The following HCN1 variants were observed in gnomAD, a reference collection of about 807,000 sequenced individuals.
HCN1 encodes hyperpolarization activated cyclic nucleotide gated potassium channel 1.
Under a neutral mutation model 78.9 loss-of-function variants are expected in HCN1, and 13 were observed. That is an observed-to-expected ratio of 0.16 (90% CI 0.11 to 0.26). The LOEUF (loss-of-function observed/expected upper bound fraction) is 0.26. Ranked by LOEUF, HCN1 falls within the 10% of genes least tolerant of loss-of-function variation. The pLI is 1.00. For missense variants in HCN1, 810 were observed against 1,154.3 expected (o/e 0.70, Z 4.32); for synonymous variants, 552 against 455.5 (o/e 1.21, Z -2.70).
intron 2 of HCN1, among the ~76,000 whole-genome samples, chr5:45,538,165 G>A (rs907596427): frequency 2.0e-5 from 3 of 151,992 alleles, no homozygotes; most frequent in African/African-American, 7.3e-5. Flanking sequence ...ATGAAACTAA[G>A]AAGTGATCTT....
At chr5:45,414,749 T>C (rs1354314295) in intron 3 of HCN1, among the ~76,000 whole-genome samples, 1 of 152,038 alleles carries the variant, frequency 6.6e-6, no homozygotes, top group East Asian at 1.9e-4. Context: ...TTTTGTCCCA[T>C]CTCTTTACAA....
intron 2 of HCN1, among the ~76,000 whole-genome samples, chr5:45,540,387 GCATGAT>G (rs1561194076): frequency 6.6e-6 from 1 of 151,306 alleles, no homozygotes; most frequent in African/African-American, 2.4e-5. Flanking sequence ...GAGTGCAGTG[GCATGAT>G]CATGGTTCAT....
intron 6 of HCN1, among the ~76,000 whole-genome samples, chr5:45,302,093 T>C (rs1463149398): frequency 6.6e-6 from 1 of 152,022 alleles, no homozygotes; most frequent in African/African-American, 2.4e-5. Flanking sequence ...GAAATACAAA[T>C]AATTAGGGTA....
intron 2 of HCN1, among the ~76,000 whole-genome samples, chr5:45,490,717 A>C (rs1312321485): frequency 1.3e-5 from 2 of 152,164 alleles, no homozygotes; most frequent in East Asian, 3.8e-4. Context: ...TGCCACATAA[A>C]TATACATACC....
At chr5:45,283,702 A>G (rs1745213063) in intron 6 of HCN1, among the ~76,000 whole-genome samples, 1 of 152,306 alleles carries the variant, frequency 6.6e-6, no homozygotes, top group Non-Finnish European at 1.5e-5. Flanking sequence ...TGGAGTGTAA[A>G]TTAGTTCAAC....
intron 4 of HCN1, among the ~76,000 whole-genome samples, chr5:45,355,714 G>T (rs187241735): frequency 6.6e-6 from 1 of 151,858 alleles, no homozygotes; most frequent in Non-Finnish European, 1.5e-5. Context: ...CTAAAAAGTG[G>T]AACTTATGTT....
At chr5:45,357,503 C>T (rs534210041) in intron 4 of HCN1, among the ~76,000 whole-genome samples, 12 of 151,908 alleles carry the variant, frequency 7.9e-5, no homozygotes, top group African/African-American at 1.7e-4. Flanking sequence ...ACATTAATTC[C>T]GCCTCCTTTT....
At chr5:45,569,674 T>C (rs6874479) in intron 2 of HCN1, among the ~76,000 whole-genome samples, 2,480 of 152,202 alleles carry the variant, frequency 0.016, 66 homozygotes, top group African/African-American at 0.057. Context: ...CTTTATCTGT[T>C]TTTACAAAAT....
intron 1 of HCN1, among the ~76,000 whole-genome samples, chr5:45,670,161 T>A (rs764176588): frequency 1.3e-5 from 2 of 151,648 alleles, no homozygotes; most frequent in Non-Finnish European, 3.0e-5. Context: ...ATCATAGATG[T>A]AATGTATCTG....
chr5:45,692,990 T>C (rs907502404), intron 1 of HCN1, among the ~76,000 whole-genome samples: 3 of 152,280 alleles, frequency 2.0e-5, no homozygotes, highest in East Asian at 1.9e-4. Context: ...TTCACTCAGT[T>C]GTTAAATGAT....
At chr5:45,557,372 G>C (rs1561200236) in intron 2 of HCN1, among the ~76,000 whole-genome samples, 1 of 152,066 alleles carries the variant, frequency 6.6e-6, no homozygotes, top group Non-Finnish European at 1.5e-5. Flanking sequence ...TGCTTTTGTA[G>C]TGCTGCTGAC....
intron 3 of HCN1, among the ~76,000 whole-genome samples, chr5:45,431,414 CT>C (rs1320419876): frequency 1.3e-5 from 2 of 152,098 alleles, no homozygotes; most frequent in African/African-American, 4.8e-5. Flanking sequence ...GGTTCTTTTG[CT>C]GTGCAGAAAC....
At chr5:45,650,000 A>G (rs1745646460) in intron 1 of HCN1, among the ~76,000 whole-genome samples, 1 of 152,132 alleles carries the variant, frequency 6.6e-6, no homozygotes, top group Non-Finnish European at 1.5e-5. Flanking sequence ...TAGGTTAGAT[A>G]TCTAAAAAAC....
chr5:45,595,705 G>A (rs924342906), intron 2 of HCN1, among the ~76,000 whole-genome samples: 2 of 151,488 alleles, frequency 1.3e-5, no homozygotes, highest in Admixed American at 1.3e-4. Context: ...GGAGCTATAT[G>A]ACTTTATAAT....
intron 2 of HCN1, among the ~76,000 whole-genome samples, chr5:45,631,013 A>G (rs1745261307): frequency 6.6e-6 from 1 of 152,180 alleles, no homozygotes; most frequent in Non-Finnish European, 1.5e-5. Flanking sequence ...TTCCTCCACT[A>G]TGACCTCATT....
Position 45,262,608 on chromosome 5 carries a change from T to C in HCN1, c.1986A>G (p.Thr662=). 2 of 1,613,936 alleles carry C rather than the reference T, an allele frequency of 1.2e-6. No homozygotes were observed. Among genetic ancestry groups the C allele is most frequent in the South Asian group, 2.2e-5 (2 of 91,070 alleles). The change falls in exon 8 of 8, where the codon ACA becomes ACG. Residue 662 remains threonine, a synonymous_variant. Coordinates refer to ENST00000303230, the MANE Select transcript of HCN1 (RefSeq NM_021072.4). ...STTTPTSRMR[T]QSPPVYTATS... ...TCGCTGTGTACACCGGTGGAGATTG[T>C]GTCCTCATGCGGGAGGTCGGGGTCG...
At chr5:45,419,993 C>T (rs1005216791) in intron 3 of HCN1, among the ~76,000 whole-genome samples, 11 of 152,084 alleles carry the variant, frequency 7.2e-5, no homozygotes, top group South Asian at 2.1e-4. Context: ...GGAGAATGCA[C>T]ATGGGAAAAC....
intron 6 of HCN1, among the ~76,000 whole-genome samples, chr5:45,301,349 TAAAA>T (rs1212998017): frequency 1.5e-5 from 2 of 133,046 alleles, no homozygotes; most frequent in Non-Finnish European, 3.2e-5. Context: ...TGTATAATAA[TAAAA>T]TATAATAAAT....
At chr5:45,628,368 A>C (rs993734197) in intron 2 of HCN1, among the ~76,000 whole-genome samples, 2 of 152,310 alleles carry the variant, frequency 1.3e-5, no homozygotes, top group Admixed American at 6.5e-5. Context: ...TTGTTTTATT[A>C]TCTAGGTTGT....
Sources: allele counts gnomAD v4.1 joint callset (sites outside exome capture counted in the v4.1 genomes callset), GRCh38; gene constraint gnomAD v4.1.1; transcripts MANE v1.5; gene names NCBI Gene and HGNC (gene_info 2026-07-23, HGNC 2026-07-21).